Variants in EPHA7 observed in about 807,000 individuals in gnomAD.
EPHA7 encodes ephrin type-A receptor 7.
In EPHA7, 25 loss-of-function variants were observed where a neutral mutation model predicts 112.6. That is an observed-to-expected ratio of 0.22 (90% confidence interval 0.16 to 0.31). The LOEUF (loss-of-function observed/expected upper bound fraction) is 0.31, where lower values mean the gene tolerates loss of function less well. EPHA7 is among the 10% of genes least tolerant of loss of function. EPHA7 has a pLI of 1.00. For synonymous variants in EPHA7, 437 were observed against 406.5 expected (o/e 1.07, Z -0.90); for missense variants, 962 against 1,212.6 (o/e 0.79, Z 3.07).
intron 5 of EPHA7, among the ~76,000 whole-genome samples, chr6:93,332,584 G>T (rs74398884): frequency 0.05 from 7,562 of 151,532 alleles, 227 homozygotes; most frequent in African/African-American, 0.08. Flanking sequence ...CATGACAAAA[G>T]TAAACAAGTT....
At chr6:93,250,052 A>G in intron 14 of EPHA7, among the ~76,000 whole-genome samples, 1 of 152,192 alleles carries the variant, frequency 6.6e-6, no homozygotes, top group Admixed American at 6.5e-5. Context: ...ATATTCAAAG[A>G]TATAATGTTT....
intron 3 of EPHA7, among the ~76,000 whole-genome samples, chr6:93,368,733 G>A (rs2127957564): frequency 6.6e-6 from 1 of 152,086 alleles, no homozygotes; most frequent in South Asian, 2.1e-4. Flanking sequence ...TCCAAGACAT[G>A]GGCTTTTCAC....
intron 9 of EPHA7, among the ~76,000 whole-genome samples, chr6:93,262,731 A>G (rs118077652): frequency 0.015 from 2,291 of 151,488 alleles, 27 homozygotes; most frequent in Non-Finnish European, 0.023. Flanking sequence ...ACTAAAGGTA[A>G]CTGTTGGTTC....
chr6:93,412,349 G>T (rs1779018790), intron 2 of EPHA7, among the ~76,000 whole-genome samples: 1 of 152,006 alleles, frequency 6.6e-6, no homozygotes, highest in African/African-American at 2.4e-5. Flanking sequence ...CTTGATTTGA[G>T]TATTGATTTA....
At chr6:93,402,501 T>C (rs1778481888) in intron 3 of EPHA7, among the ~76,000 whole-genome samples, 1 of 152,024 alleles carries the variant, frequency 6.6e-6, no homozygotes, top group African/African-American at 2.4e-5. Flanking sequence ...TCTAGATCTG[T>C]GTATGTTACC....
In EPHA7 at chr6:93,419,459, G is replaced by T. The variant is rs1438572348; in HGVS notation, c.-118C>A. On this transcript the variant is annotated 5_prime_UTR_variant, in exon 1 of 17. Coordinates refer to ENST00000369303, the MANE Select transcript of EPHA7 (RefSeq NM_004440.4). ...GCTCCTTGCATCGATTCCCCTTCTCGGTCCCCGATCGGCTGCTCCACGTTT... is the reference window on the plus strand; with the variant it reads ...GCTCCTTGCATCGATTCCCCTTCTCTGTCCCCGATCGGCTGCTCCACGTTT... The T allele has an allele frequency of 5.4e-6, 4 of 740,502 alleles. No individual in the cohort carries two copies. Among genetic ancestry groups the T allele is most frequent in the South Asian group, 1.9e-5 (1 of 51,770 alleles). The allele number at this position is 740,502 out of a possible 1,614,324, so 45.9% of individuals were successfully genotyped here.
chr6:93,391,346 C>A (rs1170617739), intron 3 of EPHA7, among the ~76,000 whole-genome samples: 1 of 151,842 alleles, frequency 6.6e-6, no homozygotes, highest in Non-Finnish European at 1.5e-5. Flanking sequence ...AAGAAACAAA[C>A]CAAAAGAGAC....
Position 93,263,866 on chromosome 6 carries a change from A to G in EPHA7, c.1792T>C (p.Phe598Leu). The G allele has an allele frequency of 4.3e-6, 7 of 1,609,296 alleles. No homozygotes were observed. The highest frequency in any genetic ancestry group is 5.9e-6 in the Non-Finnish European group (7 of 1,176,952). ...ADQEGDEELYFHFKFPGTKTY... is the reference protein window; with the variant it reads ...ADQEGDEELYLHFKFPGTKTY... ...AGAAAAGCCAAACACTTACAATGAA[A>G]GTAAAGCTCTTCATCGCCTTCTTGG... Residue 598 changes from phenylalanine to leucine, a missense_variant, in exon 9 of 17, where the codon TTT (phenylalanine) becomes CTT (leucine). By Grantham distance (22) the Phe-to-Leu change is conservative. Transcript: ENST00000369303.
At chr6:93,398,953 G>A (rs999042641) in intron 3 of EPHA7, among the ~76,000 whole-genome samples, 2 of 152,046 alleles carry the variant, frequency 1.3e-5, no homozygotes, top group African/African-American at 2.4e-5. Flanking sequence ...CTTGAGCCAC[G>A]TGTTTTCCCA....
At chr6:93,311,141 T>TTTTTTTTTTTC (rs1773519550) in intron 5 of EPHA7, among the ~76,000 whole-genome samples, 1 of 132,134 alleles carries the variant, frequency 7.6e-6, no homozygotes, top group Admixed American at 7.8e-5. Flanking sequence ...TTTTTTTTTT[T>TTTTTTTTTTTC]ACAGAGATTG....
At chr6:93,342,200 C>T (rs1013803722) in intron 5 of EPHA7, among the ~76,000 whole-genome samples, 11 of 151,850 alleles carry the variant, frequency 7.2e-5, no homozygotes, top group African/African-American at 2.7e-4. Context: ...AAAAAGCCTA[C>T]AGGTTAACTT....
intron 5 of EPHA7, among the ~76,000 whole-genome samples, chr6:93,335,314 T>C (rs1774811410): frequency 1.3e-5 from 2 of 152,110 alleles, no homozygotes; most frequent in Non-Finnish European, 2.9e-5. Context: ...TTTCATCTAA[T>C]GTAAAACATA....
chr6:93,347,440 G>GA (rs361504), intron 5 of EPHA7, among the ~76,000 whole-genome samples: 28,051 of 151,546 alleles, frequency 0.19, 2,944 homozygotes, highest in East Asian at 0.36. Flanking sequence ...TTTTGGAGGG[G>GA]AAAAATCATA....
intron 14 of EPHA7, among the ~76,000 whole-genome samples, chr6:93,253,491 A>T (rs1770306574): frequency 6.6e-6 from 1 of 152,072 alleles, no homozygotes; most frequent in Non-Finnish European, 1.5e-5. Flanking sequence ...CACTACTGTA[A>T]GTTTTAAGAC....
In EPHA7 at chr6:93,358,395, G is replaced by C. The variant is rs2127947049; in HGVS notation, c.849C>G (p.Phe283Leu). The C allele has an allele frequency of 6.2e-7, 1 of 1,610,448 alleles. No homozygotes were observed. Among genetic ancestry groups the C allele is most frequent in the East Asian group, 2.2e-5 (1 of 44,678 alleles). The change falls in exon 4 of 17, where the codon TTC becomes TTG. Residue 283 changes from phenylalanine (F) to leucine (L), a missense_variant. Physicochemically the swap from Phe to Leu is conservative, Grantham distance 22. This residue lies in a region of EPHA7 where 746 missense variants were observed against 889.2 expected (regional missense o/e 0.84). Transcript: ENST00000369303. ...GDTCEPCGRGFYKSSSQDLQC... is the reference protein window; with the variant it reads ...GDTCEPCGRGLYKSSSQDLQC... ...GAAGATCTTGAGAGGAAGACTTGTA[G>C]AACCCACGGCCACAGGCTGGGAATG...
rs1004410971 is a variant in EPHA7 at position 93,402,922 on chromosome 6, C to T, written c.832+7579G>A. 3.3e-5 allele frequency among the ~76,000 whole-genome samples: 5 copies of T among 151,850 alleles called. No homozygotes were observed. In the East Asian group the frequency reaches 9.7e-4, roughly 29 times the overall value. On this transcript the variant is annotated intron_variant, in intron 3 of 16. Transcript: ENST00000369303. The stretch of plus-strand genomic sequence containing the variant: ...AAATAATGCTAACAAGGGTGAAATG[C>T]CTTTTGTTTCCTCAGAGAAGAAAAG...
At chr6:93,251,031 A>G (rs947631416) in intron 14 of EPHA7, among the ~76,000 whole-genome samples, 3 of 152,104 alleles carry the variant, frequency 2.0e-5, no homozygotes, top group Non-Finnish European at 4.4e-5. Flanking sequence ...CGAGCCTGTA[A>G]TAACTCAAAA....
At chr6:93,312,498 G>C (rs1773592406) in intron 5 of EPHA7, among the ~76,000 whole-genome samples, 1 of 151,980 alleles carries the variant, frequency 6.6e-6, no homozygotes. Flanking sequence ...AACTTGAAGA[G>C]ACCTATGCCT....
intron 1 of EPHA7, among the ~76,000 whole-genome samples, chr6:93,418,141 C>T (rs1181201969): frequency 1.3e-5 from 2 of 150,868 alleles, no homozygotes; most frequent in Middle Eastern, 3.2e-3. Context: ...AACTTAGATA[C>T]ACAGCCTGAA....
Sources: allele counts gnomAD v4.1 joint callset (sites outside exome capture counted in the v4.1 genomes callset), GRCh38; gene constraint gnomAD v4.1.1; regional missense constraint gnomAD v4.1.1; transcripts MANE v1.5; gene names NCBI Gene and HGNC (gene_info 2026-07-23, HGNC 2026-07-21).